The following RPL14 variants were observed in gnomAD, a reference collection of about 807,000 sequenced individuals.
RPL14 encodes the protein ribosomal protein L14, also known as large ribosomal subunit protein eL14.
A neutral mutation model predicts 25.3 loss-of-function variants in RPL14; 4 were observed. The ratio of observed to expected loss-of-function variants is 0.16; its 90% CI spans 0.08 to 0.36. The LOEUF is 0.36. Ranked by LOEUF, RPL14 falls within the 10% of genes least tolerant of loss-of-function variation. The probability of loss-of-function intolerance (pLI) is 1.00; values close to 1 mark genes in which losing one functional copy is unlikely to be tolerated. For synonymous variants in RPL14, 75 were observed against 89.8 expected (o/e 0.84, Z 0.93); for missense variants, 212 against 261.9 (o/e 0.81, Z 1.31).
At position 40,467,379 on chromosome 3, in the gene RPL14, C is replaced by T. The variant is rs1697043044; in HGVS notation, c.*5147C>T. 1.3e-5 allele frequency: 2 copies of T among 152,154 alleles called. No individual in the cohort carries two copies. The highest frequency in any genetic ancestry group is 4.8e-5 in the African/African-American group (2 of 41,412). The allele number at this position is 152,154 out of a possible 1,614,324, so 9.4% of individuals were successfully genotyped here. On this transcript the variant is annotated 3_prime_UTR_variant, in exon 6 of 6. Transcript: ENST00000396203. ...TCCAGAGGCCTGAGAACTGGAAGGG[C>T]CAGTGGTGTAAGTCCTGGTCTGAGA... is the stretch of plus-strand genomic sequence containing the variant.
At position 40,464,427 on chromosome 3, in the gene RPL14, A is replaced by G. The variant is rs79964401; in HGVS notation, c.*2195A>G. ...CCTGTTCTACTCTGGGAGGTAGAGAATTGTCTAGAGAAAGTGGCATCTATA... is the reference window on the plus strand; with the variant it reads ...CCTGTTCTACTCTGGGAGGTAGAGAGTTGTCTAGAGAAAGTGGCATCTATA... On this transcript the variant is annotated 3_prime_UTR_variant, in exon 6 of 6. Coordinates refer to ENST00000396203, the MANE Select transcript of RPL14 (RefSeq NM_001034996.3). 280 of 455,958 alleles carry G rather than the reference A, an allele frequency of 6.1e-4. No individual in the cohort carries two copies. The highest frequency in any genetic ancestry group is 5.0e-3 in the African/African-American group (250 of 50,206). 28.2% of individuals were successfully genotyped at this position (455,958 alleles called of 1,614,324 possible).
Position 40,465,116 on chromosome 3 carries a change from A to T in RPL14, c.*2884A>T, listed in dbSNP as rs956219073. ...AGGTTTCAGGACAGACTTGGGATTC[A>T]TGAATATGTAAGTGGTCACTGATTC... On this transcript the variant is annotated 3_prime_UTR_variant, in exon 6 of 6. Coordinates refer to ENST00000396203, the MANE Select transcript of RPL14 (RefSeq NM_001034996.3). 6.6e-6 allele frequency: 1 copy of T among 152,390 alleles called. No homozygotes were observed. The highest frequency in any genetic ancestry group is 1.5e-5 in the Non-Finnish European group (1 of 68,228). The allele number at this position is 152,390 out of a possible 1,614,324, so 9.4% of individuals were successfully genotyped here.
chr3:40,458,182 A>G (rs1696874756), intron 2 of RPL14, 191 bp downstream of exon 2: 1 of 605,392 alleles, frequency 1.7e-6, no homozygotes, highest in East Asian at 2.8e-5. Flanking sequence ...GAATTTCAGT[A>G]TTAGCCACTT....
rs1237439854 is a variant in RPL14, at chr3:40,465,410, G to A, written c.*3178G>A. The stretch of plus-strand genomic sequence containing the variant: ...ACTTAGCCCTTCGAAAAACAGGAAG[G>A]GATGGATCCTAGGGGAGAGGAGGAA... On this transcript the variant is annotated 3_prime_UTR_variant, in exon 6 of 6. Transcript: ENST00000396203. The A allele has an allele frequency of 6.6e-6, 1 of 152,186 alleles. No homozygotes were observed. The highest frequency in any genetic ancestry group is 1.5e-5 in the Non-Finnish European group (1 of 68,056). 9.4% of individuals were successfully genotyped at this position (152,186 alleles called of 1,614,324 possible).
At position 40,461,808 on chromosome 3, in the gene RPL14, T is replaced by G; in HGVS notation, c.355-131T>G. 3 of 1,275,582 alleles carry G rather than the reference T, an allele frequency of 2.4e-6. No homozygotes were observed. In the South Asian group the frequency reaches 4.5e-5, roughly 19 times the overall value. The allele number at this position is 1,275,582 out of a possible 1,614,324, so 79.0% of individuals were successfully genotyped here. On this transcript the variant is annotated intron_variant, in intron 5 of 5. Coordinates refer to ENST00000396203, the MANE Select transcript of RPL14 (RefSeq NM_001034996.3). ...TCATTTGTATTTCATGATGTCCCTA[T>G]GGAATTGTTACCTTTCTTCAGATGT... is the stretch of plus-strand genomic sequence containing the variant.
Position 40,462,188 on chromosome 3 carries a change from G to C in RPL14, c.604G>C (p.Ala202Pro). The C allele has an allele frequency of 6.2e-7, 1 of 1,608,794 alleles. No homozygotes were observed. The highest frequency in any genetic ancestry group is 1.3e-5 in the African/African-American group (1 of 74,426). The change falls in exon 6 of 6, where the codon GCC (alanine) becomes CCC (proline). Residue 202 changes from alanine to proline, a missense_variant. Transcript: ENST00000396203. Reference protein sequence around the residue: ...PKAQKGQKAPAQKAPAPKASG... With the variant: ...PKAQKGQKAPPQKAPAPKASG... ...AGCTCAGAAGGGTCAAAAAGCTCCA[G>C]CCCAGAAAGCACCTGCTCCAAAGGC...
chr3:40,457,631 T>A (rs1467040017), intron 1 of RPL14, 157 bp downstream of exon 1: 1 of 689,800 alleles, frequency 1.4e-6, no homozygotes, highest in Non-Finnish European at 2.4e-6. Context: ...GGATGGCTGA[T>A]GCGGCTCGTG....
intron 1 of RPL14, 114 bp from the exon 2 acceptor site, chr3:40,457,776 C>G (rs893927613): frequency 5.7e-6 from 6 of 1,055,300 alleles, no homozygotes; most frequent in African/African-American, 4.7e-5. Flanking sequence ...GGCGTTTGTT[C>G]CCTGCAGCAT....
At chr3:40,459,747 T>TGAG (rs1490433242) in intron 3 of RPL14, among the ~76,000 whole-genome samples, 1 of 150,860 alleles carries the variant, frequency 6.6e-6, no homozygotes, top group Non-Finnish European at 1.5e-5. Flanking sequence ...TAGTCCCAGC[T>TGAG]ACTTCAGAGG....
At chr3:40,461,183 A>G (rs1056294568) in intron 3 of RPL14, among the ~76,000 whole-genome samples, 3 of 151,790 alleles carry the variant, frequency 2.0e-5, no homozygotes, top group Non-Finnish European at 2.9e-5. Flanking sequence ...GTGGCAAGCA[A>G]GATCCTCTCT....
In RPL14 at chr3:40,464,634, A is replaced by C. The variant is rs183890889; in HGVS notation, c.*2402A>C. 1.4e-5 allele frequency: 6 copies of C among 423,612 alleles called. No homozygotes were observed. The highest frequency in any genetic ancestry group is 5.1e-5 in the Admixed American group (2 of 39,304). The allele number at this position is 423,612 out of a possible 1,614,324, so 26.2% of individuals were successfully genotyped here. On this transcript the variant is annotated 3_prime_UTR_variant, in exon 6 of 6. Transcript: ENST00000396203. Reference sequence around the variant, plus strand: ...AAATGGCGTGATATCTCAGATTTAGATCATTGAACTGTTAAGACTGAATCT... The same window carrying C: ...AAATGGCGTGATATCTCAGATTTAGCTCATTGAACTGTTAAGACTGAATCT...
chr3:40,461,137 A>G (rs555119733), intron 3 of RPL14, among the ~76,000 whole-genome samples: 4 of 151,806 alleles, frequency 2.6e-5, no homozygotes, highest in East Asian at 2.0e-4. Context: ...TTGAGGCTAC[A>G]GTGAGCCATG....
At position 40,464,974 on chromosome 3, in the gene RPL14, A is replaced by G. The variant is rs1445029838; in HGVS notation, c.*2742A>G. 1.8e-5 allele frequency: 3 copies of G among 166,216 alleles called. No individual in the cohort carries two copies. Among genetic ancestry groups the G allele is most frequent in the South Asian group, 1.6e-4 (1 of 6,270 alleles). The allele number at this position is 166,216 out of a possible 1,614,324, so 10.3% of individuals were successfully genotyped here. On this transcript the variant is annotated 3_prime_UTR_variant, in exon 6 of 6. Coordinates refer to ENST00000396203, the MANE Select transcript of RPL14 (RefSeq NM_001034996.3). ...CTCTTGAAAGCTATGTAGTTTAGGC[A>G]CATAGTCAAAATCCAGTTTCCTCAT...
rs1386670378 is a variant in RPL14, at chr3:40,464,269, T to G, written c.*2037T>G. ...GCCACCGCTTCTGGCCAGGAATACATTTTAAATAAATTTGTTTCCTAACCA... is the reference window on the plus strand; with the variant it reads ...GCCACCGCTTCTGGCCAGGAATACAGTTTAAATAAATTTGTTTCCTAACCA... On this transcript the variant is annotated 3_prime_UTR_variant, in exon 6 of 6. Transcript: ENST00000396203. The G allele has an allele frequency of 8.4e-6, 3 of 357,626 alleles. No homozygotes were observed. The East Asian group carries it at 2.2e-4, about 26-fold the overall frequency. 22.2% of individuals were successfully genotyped at this position (357,626 alleles called of 1,614,324 possible). A position where few individuals can be genotyped will look rare whatever the true frequency, so the allele number is the denominator to read the frequency against.
In RPL14 at chr3:40,466,534, A is replaced by AAG. The variant is rs35423614; in HGVS notation, c.*4302_*4303insAG. ...AAAAATCAAAAAAAAAAAAAAAAAA[A>AAG]TGGCTGATTTCAGAGTCATATTCAG... On this transcript the variant is annotated 3_prime_UTR_variant, in exon 6 of 6. Coordinates refer to ENST00000396203, the MANE Select transcript of RPL14 (RefSeq NM_001034996.3). 6.6e-6 allele frequency: 1 copy of AAG among 151,040 alleles called. No homozygotes were observed. The highest frequency in any genetic ancestry group is 1.5e-5 in the Non-Finnish European group (1 of 67,792). 9.4% of individuals were successfully genotyped at this position (151,040 alleles called of 1,614,324 possible).
chr3:40,461,242 A>G (rs147833814), intron 3 of RPL14, among the ~76,000 whole-genome samples, 165 bp from the exon 4 acceptor site: 2 of 152,304 alleles, frequency 1.3e-5, no homozygotes, highest in African/African-American at 2.4e-5. Flanking sequence ...ATATGCTTGA[A>G]GTTAATAACC....
chr3:40,459,377 G>A (rs1033098032), intron 3 of RPL14, among the ~76,000 whole-genome samples: 1 of 152,170 alleles, frequency 6.6e-6, no homozygotes, highest in Non-Finnish European at 1.5e-5. Context: ...GTGTGTGTCA[G>A]TTACACAGTA....
At chr3:40,461,759 T>C in intron 5 of RPL14, 98 bp downstream of exon 5, 1 of 1,355,538 alleles carries the variant, frequency 7.4e-7, no homozygotes, top group South Asian at 1.4e-5. Flanking sequence ...TTGGAAGCTT[T>C]CTGTAAAAAA....
intron 3 of RPL14, among the ~76,000 whole-genome samples, chr3:40,460,633 A>G (rs889933357): frequency 4.1e-5 from 6 of 146,154 alleles, no homozygotes; most frequent in Non-Finnish European, 7.5e-5. Flanking sequence ...TTTTCTTTTG[A>G]CACGGAGTCT....
Sources: allele counts gnomAD v4.1 joint callset (sites outside exome capture counted in the v4.1 genomes callset), GRCh38; gene constraint gnomAD v4.1.1; transcripts MANE v1.5; gene names NCBI Gene and HGNC (gene_info 2026-07-23, HGNC 2026-07-21).